Variants in SLC9C2 observed in about 807,000 individuals in gnomAD.
SLC9C2 encodes the protein sodium/hydrogen exchanger 11.
A neutral mutation model predicts 140.2 loss-of-function variants in SLC9C2; 75 were observed. The observed-to-expected ratio is 0.53, with a 90% CI of 0.44 to 0.65. The LOEUF is 0.65. Among genes scored for constraint, SLC9C2 ranks in the 30% least tolerant of loss-of-function variants. The probability of loss-of-function intolerance (pLI) is 0.00; values close to 1 mark genes in which losing one functional copy is unlikely to be tolerated. For synonymous variants in SLC9C2, 375 were observed against 420.9 expected, an observed-to-expected ratio of 0.89 and a Z score of 1.34; for missense variants, 1,074 against 1,331.8, an observed-to-expected ratio of 0.81 and a Z score of 3.01.
chr1:173,521,173 A>C, intron 22 of SLC9C2, 128 bp downstream of exon 22: 1 of 491,376 alleles, frequency 2.0e-6, no homozygotes, highest in Non-Finnish European at 3.5e-6. Flanking sequence ...TCATGCTCAG[A>C]GTAGAAATGG....
chr1:173,570,783 C>T (rs1026002796), intron 9 of SLC9C2, among the ~76,000 whole-genome samples: 2 of 152,164 alleles, frequency 1.3e-5, no homozygotes, highest in African/African-American at 4.8e-5. Context: ...GAGTTCAGCA[C>T]AGTTTTGCTT....
At chr1:173,539,474 C>T (rs1662214995) in intron 13 of SLC9C2, among the ~76,000 whole-genome samples, 1 of 152,114 alleles carries the variant, frequency 6.6e-6, no homozygotes, top group African/African-American at 2.4e-5. Context: ...TTCACTAACA[C>T]TTGGAATATA....
rs1451496648 is a variant in SLC9C2 at position 173,581,941 on chromosome 1, T to C, written c.708A>G (p.Ala236=). ...CAGCCAATATACACTGAATGATTTT[T>C]GCACACCAATATCCAAATATTATGC... is the stretch of plus-strand genomic sequence containing the variant. The part of the protein sequence containing the change: ...LGSIIFGYWC[A]KIIQCILADV... The change falls in exon 7 of 28, where the codon GCA becomes GCG. Residue 236 remains alanine (A), a synonymous_variant. Coordinates refer to ENST00000367714, the MANE Select transcript of SLC9C2 (RefSeq NM_178527.4). The C allele has an allele frequency of 1.9e-6, 3 of 1,607,496 alleles. No homozygotes were observed. Among genetic ancestry groups the C allele is most frequent in the Non-Finnish European group, 2.6e-6 (3 of 1,175,772 alleles).
chr1:173,567,048 G>T lies in SLC9C2; in HGVS notation c.1046+6134C>A, dbSNP rs562695363. Among the ~76,000 whole-genome samples, 11 of 151,970 alleles carry T rather than the reference G, an allele frequency of 7.2e-5. No individual in the cohort carries two copies. In the East Asian group the frequency reaches 1.4e-3, roughly 19 times the overall value. Reference sequence around the variant, plus strand: ...CTGGAAAATGCTTGATATTATTTCAGCTTTTTTGAACCTTTTAAGACTTGT... The same window carrying T: ...CTGGAAAATGCTTGATATTATTTCATCTTTTTTGAACCTTTTAAGACTTGT... On this transcript the variant is annotated intron_variant, in intron 9 of 27. Transcript: ENST00000367714.
intron 11 of SLC9C2, among the ~76,000 whole-genome samples, chr1:173,550,591 A>C (rs566554969): frequency 2.8e-4 from 42 of 151,672 alleles, no homozygotes; most frequent in African/African-American, 1.0e-3. Flanking sequence ...GGCATGCGCC[A>C]CCATGCCCAG....
intron 4 of SLC9C2, among the ~76,000 whole-genome samples, chr1:173,588,129 T>C (rs1665962101): frequency 6.6e-6 from 1 of 152,208 alleles, no homozygotes; most frequent in Non-Finnish European, 1.5e-5. Flanking sequence ...CCTGCTTCTA[T>C]ATAAAACATA....
intron 9 of SLC9C2, among the ~76,000 whole-genome samples, chr1:173,560,008 G>A (rs1663991121): frequency 6.6e-6 from 1 of 152,112 alleles, no homozygotes; most frequent in Non-Finnish European, 1.5e-5. Context: ...AAGCTTGTCT[G>A]TTGATATGAA....
At position 173,602,795 on chromosome 1, in the gene SLC9C2, G is replaced by T. The variant is rs1400932007; in HGVS notation, c.-124C>A. 1 of 152,112 alleles carries T rather than the reference G, an allele frequency of 6.6e-6. No individual in the cohort carries two copies. The highest frequency in any genetic ancestry group is 2.4e-5 in the African/African-American group (1 of 41,416). 9.4% of individuals were successfully genotyped at this position (152,112 alleles called of 1,614,324 possible). The stretch of plus-strand genomic sequence containing the variant: ...AGGTCTACAGGTCACAATGATTCTG[G>T]TGTGAAGCAGAGGATGGGCCAGAAA... On this transcript the variant is annotated 5_prime_UTR_variant, in exon 1 of 28. Coordinates refer to ENST00000367714, the MANE Select transcript of SLC9C2 (RefSeq NM_178527.4).
intron 5 of SLC9C2, 99 bp from the exon 6 acceptor site, chr1:173,583,721 AAG>A (rs1422757270): frequency 7.3e-6 from 5 of 688,022 alleles, no homozygotes; most frequent in African/African-American, 5.6e-5. Flanking sequence ...AAAAAGAAAA[AAG>A]AGAAAGAACA....
intron 14 of SLC9C2, 49 bp downstream of exon 14, chr1:173,536,893 T>C: frequency 1.6e-6 from 2 of 1,253,442 alleles, no homozygotes; most frequent in Non-Finnish European, 2.3e-6. Context: ...TTCTTCATCA[T>C]ATAGTCATTC....
chr1:173,521,268 T>TAA (rs5778771), intron 22 of SLC9C2, 33 bp downstream of exon 22: 699 of 972,266 alleles, frequency 7.2e-4, no homozygotes, highest in Non-Finnish European at 8.9e-4. Context: ...ACATTTTAAG[T>TAA]AAAAAAAAAA....
intron 9 of SLC9C2, among the ~76,000 whole-genome samples, chr1:173,568,455 T>C (rs757477055): frequency 6.6e-6 from 1 of 152,222 alleles, no homozygotes; most frequent in Admixed American, 6.5e-5. Flanking sequence ...ACAAAAGACA[T>C]GATCTCAGTC....
chr1:173,569,629 CT>C (rs1431174345), intron 9 of SLC9C2, among the ~76,000 whole-genome samples: 1 of 151,958 alleles, frequency 6.6e-6, no homozygotes, highest in East Asian at 1.9e-4. Flanking sequence ...GTGCCGCATT[CT>C]TTTTTATTCT....
intron 10 of SLC9C2, among the ~76,000 whole-genome samples, chr1:173,556,683 G>A (rs996170497): frequency 2.6e-5 from 4 of 152,038 alleles, no homozygotes; most frequent in South Asian, 2.1e-4. Context: ...AGTGGAGGCC[G>A]AGACAGGTGG....
chr1:173,587,184 C>A (rs1665901652), intron 5 of SLC9C2, among the ~76,000 whole-genome samples: 1 of 152,050 alleles, frequency 6.6e-6, no homozygotes. Flanking sequence ...ATCCTTACCC[C>A]TTTTCTTGAA....
At chr1:173,501,546 T>C (rs534078377) in intron 27 of SLC9C2, among the ~76,000 whole-genome samples, 193 of 141,342 alleles carry the variant, frequency 1.4e-3, no homozygotes, top group Middle Eastern at 7.4e-3. Flanking sequence ...AGTCTCACTC[T>C]GTTGCCCAGG....
At chr1:173,564,630 T>C (rs1664333339) in intron 9 of SLC9C2, among the ~76,000 whole-genome samples, 1 of 144,618 alleles carries the variant, frequency 6.9e-6, no homozygotes, top group Non-Finnish European at 1.5e-5. Context: ...AGTTTTCTTT[T>C]CCTTTTCTTT....
intron 7 of SLC9C2, among the ~76,000 whole-genome samples, chr1:173,578,212 TC>T (rs1665301405): frequency 1.3e-5 from 2 of 152,210 alleles, no homozygotes; most frequent in Non-Finnish European, 2.9e-5. Flanking sequence ...CCTACACTTT[TC>T]TAGAACCCAT....
At chr1:173,512,235 C>T (rs954795813) in intron 23 of SLC9C2, among the ~76,000 whole-genome samples, 7 of 152,156 alleles carry the variant, frequency 4.6e-5, no homozygotes, top group African/African-American at 1.7e-4. Flanking sequence ...CTATAAATAA[C>T]TTTGGGCAGT....
Sources: allele counts gnomAD v4.1 joint callset (sites outside exome capture counted in the v4.1 genomes callset), GRCh38; gene constraint gnomAD v4.1.1; transcripts MANE v1.5; gene names NCBI Gene and HGNC (gene_info 2026-07-23, HGNC 2026-07-21).